Variants in THSD4 observed in about 807,000 individuals in gnomAD.
THSD4 encodes thrombospondin type-1 domain-containing protein 4.
Under a neutral mutation model 119.0 loss-of-function variants are expected in THSD4, and 69 were observed. The observed-to-expected ratio is 0.58, with a 90% confidence interval of 0.48 to 0.71. THSD4 has a LOEUF of 0.71. Ranked by LOEUF, THSD4 falls within the 30% of genes least tolerant of loss-of-function variation. The pLI, the probability that THSD4 is intolerant of heterozygous loss-of-function variation, is 0.00. For synonymous variants in THSD4, 524 were observed against 540.4 expected (o/e 0.97, Z 0.42); for missense variants, 1,393 against 1,391.1 (o/e 1.00, Z -0.02).
chr15:71,759,815 C>A (rs2053601328), intron 15 of THSD4, among the ~76,000 whole-genome samples: 1 of 152,136 alleles, frequency 6.6e-6, no homozygotes, highest in Non-Finnish European at 1.5e-5. Flanking sequence ...CTTAAAGAAC[C>A]AAGGGTGGTA....
intron 7 of THSD4, among the ~76,000 whole-genome samples, chr15:71,504,236 C>G (rs1388087721): frequency 1.3e-5 from 2 of 152,110 alleles, no homozygotes; most frequent in African/African-American, 4.8e-5. Flanking sequence ...ACCAGCAGGT[C>G]GTGAAGGGTT....
intron 7 of THSD4, among the ~76,000 whole-genome samples, chr15:71,440,688 T>C (rs2047076760): frequency 6.6e-6 from 1 of 152,170 alleles, no homozygotes; most frequent in Non-Finnish European, 1.5e-5. Context: ...TGTTCAGTAC[T>C]AAAATTACAT....
chr15:71,236,022 G>A (rs1328856316), intron 4 of THSD4, among the ~76,000 whole-genome samples: 1 of 152,146 alleles, frequency 6.6e-6, no homozygotes, highest in Non-Finnish European at 1.5e-5. Context: ...TTTACTGTGG[G>A]GTTCTCGGGC....
At chr15:71,545,339 G>C (rs28668764) in intron 7 of THSD4, among the ~76,000 whole-genome samples, 1 of 152,184 alleles carries the variant, frequency 6.6e-6, no homozygotes. Flanking sequence ...GGGTGATTGA[G>C]AAGTGTCTAG....
chr15:71,111,174 G>C (rs759123440), upstream of THSD4: 1 of 1,611,976 alleles, frequency 6.2e-7, no homozygotes, highest in Non-Finnish European at 8.5e-7. Flanking sequence ...CCAGATGTGG[G>C]GTGAGAAAGA....
At chr15:71,204,671 T>A (rs2043829628) in intron 3 of THSD4, among the ~76,000 whole-genome samples, 1 of 151,114 alleles carries the variant, frequency 6.6e-6, no homozygotes, top group African/African-American at 2.5e-5. Context: ...CAGGGTCCAG[T>A]CCAGAGCTTC....
Position 71,777,336 on chromosome 15 carries a change from G to T in THSD4, c.3019G>T (p.Val1007Leu). The T allele has an allele frequency of 6.2e-7, 1 of 1,614,190 alleles. No individual in the cohort carries two copies. The highest frequency in any genetic ancestry group is 8.5e-7 in the Non-Finnish European group (1 of 1,180,032). Residue 1007 changes from valine (V) to leucine (L), a missense_variant, in exon 18 of 18, where the codon GTG (valine) becomes TTG (leucine). Transcript: ENST00000261862. ...KTACCASCTR[V>L]ANRQTGFLGS... Reference sequence around the variant, plus strand: ...CGCCTGCTGTGCCTCCTGCACCCGTGTGGCCAACAGGCAGACGGGCTTCCT... The same window carrying T: ...CGCCTGCTGTGCCTCCTGCACCCGTTTGGCCAACAGGCAGACGGGCTTCCT...
At chr15:71,340,269 C>T (rs1331946932) in intron 6 of THSD4, among the ~76,000 whole-genome samples, 1 of 152,186 alleles carries the variant, frequency 6.6e-6, no homozygotes, top group Admixed American at 6.5e-5. Context: ...ATGGGTCTCT[C>T]GTCCCCATTT....
rs151055447 is a variant in THSD4 at position 71,601,715 on chromosome 15, A to G, written c.1153-58815A>G. ...TGTACAGAGCTACTGAAATGTCACTATTTATTGCTTCAGCGTCATCTGGTA... is the reference window on the plus strand; with the variant it reads ...TGTACAGAGCTACTGAAATGTCACTGTTTATTGCTTCAGCGTCATCTGGTA... On this transcript the variant is annotated intron_variant, in intron 7 of 17. Transcript: ENST00000261862. Among the ~76,000 whole-genome samples the G allele has an allele frequency of 2.5e-3, 386 of 152,316 alleles. 2 individuals are homozygous for G. The highest frequency in any genetic ancestry group is 8.9e-3 in the African/African-American group (371 of 41,580).
At chr15:71,605,213 AC>A (rs1394024223) in intron 7 of THSD4, among the ~76,000 whole-genome samples, 1 of 152,202 alleles carries the variant, frequency 6.6e-6, no homozygotes, top group African/African-American at 2.4e-5. Context: ...CAGGGACCAG[AC>A]CGTGCAGGGC....
chr15:71,597,470 T>C (rs2049925948), intron 7 of THSD4, among the ~76,000 whole-genome samples: 2 of 152,210 alleles, frequency 1.3e-5, no homozygotes, highest in Non-Finnish European at 2.9e-5. Flanking sequence ...TTACAGAGTG[T>C]TTATGCCAGC....
intron 6 of THSD4, among the ~76,000 whole-genome samples, chr15:71,288,173 T>C (rs1039929860): frequency 2.6e-5 from 4 of 152,174 alleles, no homozygotes; most frequent in Admixed American, 2.6e-4. Context: ...ATTCGGCCTT[T>C]AGATGATAAA....
chr15:71,701,838 A>G (rs1274791021), intron 8 of THSD4, among the ~76,000 whole-genome samples: 4 of 151,312 alleles, frequency 2.6e-5, no homozygotes, highest in African/African-American at 9.7e-5. Flanking sequence ...GGCCAAGCAG[A>G]AGAAGTGAGA....
rs2054012173 is a variant in THSD4 at position 71,782,380 on chromosome 15, C to G, written c.*5006C>G. On this transcript the variant is annotated 3_prime_UTR_variant, in exon 18 of 18. Coordinates refer to ENST00000261862, the MANE Select transcript of THSD4 (RefSeq NM_024817.3). ...ACAAACTAATACCCCCTGCCTTGACCCCTTCCCCACGACTCAGTTGACAGA... is the reference window on the plus strand; with the variant it reads ...ACAAACTAATACCCCCTGCCTTGACGCCTTCCCCACGACTCAGTTGACAGA... 6.6e-6 allele frequency: 1 copy of G among 152,194 alleles called. No homozygotes were observed. Among genetic ancestry groups the G allele is most frequent in the Admixed American group, 6.5e-5 (1 of 15,274 alleles). 9.4% of individuals were successfully genotyped at this position (152,194 alleles called of 1,614,324 possible).
chr15:71,352,039 A>G (rs986487773), intron 6 of THSD4, among the ~76,000 whole-genome samples: 2 of 152,248 alleles, frequency 1.3e-5, no homozygotes, highest in African/African-American at 4.8e-5. Flanking sequence ...GTACTCTCAC[A>G]TCTGTCCTTT....
intron 8 of THSD4, among the ~76,000 whole-genome samples, chr15:71,673,061 T>A (rs1461442798): frequency 6.6e-6 from 1 of 152,234 alleles, no homozygotes; most frequent in South Asian, 2.1e-4. Flanking sequence ...TCAGAAGGAA[T>A]GGTACCAGCT....
chr15:71,311,822 T>C (rs1222440450), intron 6 of THSD4, among the ~76,000 whole-genome samples: 1 of 152,142 alleles, frequency 6.6e-6, no homozygotes, highest in Non-Finnish European at 1.5e-5. Context: ...AGGTCCTGTC[T>C]TCTTTTCTTC....
At chr15:71,284,956 A>G (rs1035308497) in intron 6 of THSD4, among the ~76,000 whole-genome samples, 1 of 152,142 alleles carries the variant, frequency 6.6e-6, no homozygotes, top group Admixed American at 6.5e-5. Context: ...TTTTTATTGC[A>G]ATGTTTCTAC....
chr15:71,451,959 A>T (rs1257775573), intron 7 of THSD4, among the ~76,000 whole-genome samples: 1 of 151,056 alleles, frequency 6.6e-6, no homozygotes, highest in Admixed American at 6.6e-5. Context: ...CAGGGAGGCG[A>T]CTCTTGGTTT....
Sources: allele counts gnomAD v4.1 joint callset (sites outside exome capture counted in the v4.1 genomes callset), GRCh38; gene constraint gnomAD v4.1.1; transcripts MANE v1.5; gene names NCBI Gene and HGNC (gene_info 2026-07-23, HGNC 2026-07-21).